Variants in TRAPPC12 observed in about 807,000 individuals in gnomAD.
The protein encoded by TRAPPC12 is trafficking protein particle complex subunit 12, also known as TPR repeat protein 15.
TRAPPC12 carries 61 observed loss-of-function variants against 69.2 expected under a neutral mutation model. That is an observed-to-expected ratio of 0.88 (90% CI 0.72 to 1.09). TRAPPC12 has a LOEUF of 1.09. TRAPPC12 is among the 50% of genes least tolerant of loss of function. TRAPPC12 has a pLI of 0.00. For synonymous variants in TRAPPC12, 469 were observed against 438.9 expected (o/e 1.07, Z -0.86); for missense variants, 1,101 against 1,016.4 (o/e 1.08, Z -1.13).
intron 9 of TRAPPC12, among the ~76,000 whole-genome samples, chr2:3,468,630 A>G (rs959386000): frequency 1.6e-4 from 25 of 152,166 alleles, no homozygotes; most frequent in African/African-American, 6.0e-4. Flanking sequence ...CCCAGGTCTC[A>G]GCAAAAGTAC....
At chr2:3,440,375 T>A (rs549476571) in intron 5 of TRAPPC12, among the ~76,000 whole-genome samples, 1 of 152,366 alleles carries the variant, frequency 6.6e-6, no homozygotes, top group Admixed American at 6.5e-5. Flanking sequence ...ATCAGAGTTT[T>A]ATAGTTTTCT....
At chr2:3,475,800 G>A (rs73910559) in intron 9 of TRAPPC12, among the ~76,000 whole-genome samples, 4,197 of 152,278 alleles carry the variant, frequency 0.028, 121 homozygotes, top group South Asian at 0.095. Flanking sequence ...TTCCAAGCCC[G>A]ACGACTTCAT....
chr2:3,415,861 C>T (rs1266343598), intron 3 of TRAPPC12, among the ~76,000 whole-genome samples: 7 of 152,078 alleles, frequency 4.6e-5, no homozygotes, highest in African/African-American at 9.7e-5. Context: ...GGACTGCAGG[C>T]GCCCACCACC....
intron 6 of TRAPPC12, among the ~76,000 whole-genome samples, chr2:3,447,554 A>C (rs931641688): frequency 6.6e-6 from 1 of 152,162 alleles, no homozygotes; most frequent in Non-Finnish European, 1.5e-5. Flanking sequence ...ATTCATTGCC[A>C]TAGGGACGGT....
intron 6 of TRAPPC12, among the ~76,000 whole-genome samples, chr2:3,451,921 G>C (rs12472003): frequency 6.6e-6 from 1 of 152,146 alleles, no homozygotes; most frequent in Non-Finnish European, 1.5e-5. Flanking sequence ...TCAGTTGAAA[G>C]TGCTGGGTAA....
intron 3 of TRAPPC12, among the ~76,000 whole-genome samples, chr2:3,409,876 C>T (rs1450649996): frequency 1.3e-5 from 2 of 151,920 alleles, no homozygotes; most frequent in African/African-American, 4.8e-5. Context: ...CTCTCAGTCA[C>T]GTCTGCCCTG....
At chr2:3,452,322 G>A (rs529370921) in intron 6 of TRAPPC12, among the ~76,000 whole-genome samples, 1 of 152,332 alleles carries the variant, frequency 6.6e-6, no homozygotes, top group Non-Finnish European at 1.5e-5. Flanking sequence ...GCACGGCCGG[G>A]TCTCAGAGGT....
chr2:3,429,737 A>G (rs1415661202), intron 5 of TRAPPC12, among the ~76,000 whole-genome samples: 1 of 152,136 alleles, frequency 6.6e-6, no homozygotes, highest in Non-Finnish European at 1.5e-5. Flanking sequence ...GTTCTAACCC[A>G]CTACTTCCGT....
chr2:3,474,800 C>T (rs1264041864), intron 9 of TRAPPC12, among the ~76,000 whole-genome samples: 2 of 152,136 alleles, frequency 1.3e-5, no homozygotes, highest in Non-Finnish European at 2.9e-5. Flanking sequence ...TGAGTATTCA[C>T]CTAAGAATTG....
intron 5 of TRAPPC12, among the ~76,000 whole-genome samples, chr2:3,425,779 G>C (rs1271261771): frequency 6.6e-6 from 1 of 152,204 alleles, no homozygotes; most frequent in East Asian, 1.9e-4. Flanking sequence ...TGGTACAAGA[G>C]ATGCAAAGGC....
chr2:3,383,697 AC>A (rs933983240), intron 1 of TRAPPC12, among the ~76,000 whole-genome samples: 16 of 151,768 alleles, frequency 1.1e-4, no homozygotes, highest in Non-Finnish European at 2.4e-4. Context: ...GAGCCACCGC[AC>A]CCGGCCTTCA....
intron 6 of TRAPPC12, chr2:3,454,952 G>C (rs969284072): frequency 1.3e-5 from 2 of 152,550 alleles, no homozygotes; most frequent in African/African-American, 4.8e-5. Context: ...GCCGCATAGA[G>C]GATTTGCCCA....
intron 8 of TRAPPC12, among the ~76,000 whole-genome samples, chr2:3,464,070 C>T (rs1665661052): frequency 6.6e-6 from 1 of 152,172 alleles, no homozygotes; most frequent in Non-Finnish European, 1.5e-5. Context: ...GCAACCTCAG[C>T]CGCCCCGAGT....
At chr2:3,428,049 G>A (rs541148435) in intron 5 of TRAPPC12, among the ~76,000 whole-genome samples, 1 of 152,192 alleles carries the variant, frequency 6.6e-6, no homozygotes, top group Non-Finnish European at 1.5e-5. Context: ...TGATGGAAAT[G>A]ACACTGAGTG....
intron 2 of TRAPPC12, among the ~76,000 whole-genome samples, chr2:3,398,921 G>A (rs982721427): frequency 1.3e-5 from 2 of 152,200 alleles, no homozygotes; most frequent in African/African-American, 4.8e-5. Context: ...TCCATCCCAG[G>A]TGTAGTAGCA....
At chr2:3,402,611 A>G (rs566960856) in intron 3 of TRAPPC12, among the ~76,000 whole-genome samples, 1 of 152,372 alleles carries the variant, frequency 6.6e-6, no homozygotes, top group East Asian at 1.9e-4. Context: ...AATAAAAATA[A>G]AAAAACATTA....
At chr2:3,392,678 G>C (rs1317766783) in intron 2 of TRAPPC12, among the ~76,000 whole-genome samples, 2 of 152,216 alleles carry the variant, frequency 1.3e-5, no homozygotes, top group Non-Finnish European at 2.9e-5. Flanking sequence ...CGAAAACTCT[G>C]GAGACAGCAA....
At position 3,388,485 on chromosome 2, in the gene TRAPPC12, G is replaced by C. The variant is rs1660630524; in HGVS notation, c.862G>C (p.Ala288Pro). Reference sequence around the variant, plus strand: ...TTTCGCGCACATCCAGGCAGTGTTTGCAGGGAGTGACGACCCCTTTGCCAC... The same window carrying C: ...TTTCGCGCACATCCAGGCAGTGTTTCCAGGGAGTGACGACCCCTTTGCCAC... ...EPFAHIQAVF[A>P]GSDDPFATAL... Residue 288 changes from alanine (A) to proline (P), a missense_variant, in exon 2 of 12, where the codon GCA becomes CCA. Transcript: ENST00000324266. 4 of 1,612,694 alleles carry C rather than the reference G, an allele frequency of 2.5e-6. No homozygotes were observed. Among genetic ancestry groups the C allele is most frequent in the East Asian group, 2.2e-5 (1 of 44,852 alleles).
chr2:3,395,529 C>A (rs1322432851), intron 2 of TRAPPC12, among the ~76,000 whole-genome samples: 1 of 146,008 alleles, frequency 6.8e-6, no homozygotes, highest in Admixed American at 6.8e-5. Flanking sequence ...GCTACAGATT[C>A]TCGCAGCTTT....
Sources: gnomAD v4.1 joint callset for allele counts (sites outside exome capture counted in the v4.1 genomes callset) on GRCh38, gnomAD v4.1.1 for gene constraint, MANE v1.5 for transcripts, NCBI Gene and HGNC (gene_info 2026-07-23, HGNC 2026-07-21) for gene names.